The following USH2A variants were observed in gnomAD, a reference collection of about 807,000 sequenced individuals.
USH2A encodes the protein Usher syndrome 2A (autosomal recessive, mild).
A neutral mutation model predicts 538.9 loss-of-function variants in USH2A; 443 were observed. The ratio of observed to expected loss-of-function variants is 0.82; its 90% CI spans 0.76 to 0.89. The LOEUF is 0.89. Among genes scored for constraint, USH2A ranks in the 40% least tolerant of loss-of-function variants. The pLI is 0.00. For missense variants in USH2A, 6,633 were observed against 6,324.8 expected (o/e 1.05, Z -1.65); for synonymous variants, 2,413 against 2,273.5 (o/e 1.06, Z -1.75).
At chr1:216,136,277 A>G (rs944487782) in intron 21 of USH2A, among the ~76,000 whole-genome samples, 2 of 152,214 alleles carry the variant, frequency 1.3e-5, no homozygotes, top group Non-Finnish European at 1.5e-5. Flanking sequence ...TCATGCTAAA[A>G]TAAATTGTGC....
chr1:216,070,954 T>A (rs566624329), intron 29 of USH2A, among the ~76,000 whole-genome samples: 3 of 152,090 alleles, frequency 2.0e-5, no homozygotes, highest in Admixed American at 1.3e-4. Flanking sequence ...TATCACAAAA[T>A]GAGGAAGTTT....
chr1:216,079,116 A>G (rs1285299520), intron 26 of USH2A: 3 of 152,180 alleles, frequency 2.0e-5, no homozygotes, highest in Non-Finnish European at 2.9e-5. Context: ...CTTGAGATCA[A>G]TTGTGTCGAG....
chr1:216,389,552 A>C (rs1207911203), intron 3 of USH2A, among the ~76,000 whole-genome samples: 1 of 152,178 alleles, frequency 6.6e-6, no homozygotes, highest in Admixed American at 6.5e-5. Context: ...TTTAAGTAGA[A>C]ACTAATTTTT....
chr1:215,972,708 C>A (rs1667526356), intron 35 of USH2A, among the ~76,000 whole-genome samples: 1 of 152,136 alleles, frequency 6.6e-6, no homozygotes, highest in South Asian at 2.1e-4. Context: ...GTTTACCATT[C>A]TGATAAGTCC....
chr1:215,656,096 C>G (rs971582662), intron 64 of USH2A, among the ~76,000 whole-genome samples: 2 of 152,178 alleles, frequency 1.3e-5, no homozygotes, highest in African/African-American at 4.8e-5. Flanking sequence ...ATCACATTCC[C>G]ATAAGGGGGA....
chr1:215,683,734 C>T (rs956052975), intron 61 of USH2A, among the ~76,000 whole-genome samples: 1 of 151,762 alleles, frequency 6.6e-6, no homozygotes, highest in African/African-American at 2.4e-5. Context: ...TCTTATTCAC[C>T]CTTTCCTTCT....
At position 215,876,164 on chromosome 1, in the gene USH2A, T is replaced by G. The variant is rs191839943; in HGVS notation, c.8681+1594A>C. Among the ~76,000 whole-genome samples, 704 of 152,084 alleles carry G rather than the reference T, an allele frequency of 4.6e-3. 5 individuals carry two copies. The highest frequency in any genetic ancestry group is 0.014 in the Middle Eastern group (4 of 294). On this transcript the variant is annotated intron_variant, in intron 43 of 71. Transcript: ENST00000307340. ...GTGATAATCATATAGGGATGCCAAATTAAGTAAATAATGAATTAAAAGTAG... is the reference window on the plus strand; with the variant it reads ...GTGATAATCATATAGGGATGCCAAAGTAAGTAAATAATGAATTAAAAGTAG...
intron 3 of USH2A, among the ~76,000 whole-genome samples, chr1:216,378,231 G>A (rs573283163): frequency 2.0e-5 from 3 of 152,178 alleles, no homozygotes; most frequent in African/African-American, 7.2e-5. Flanking sequence ...AGGTGAGAAT[G>A]ACTAAAGTTA....
chr1:215,646,634 C>A (rs1656860351), intron 67 of USH2A, among the ~76,000 whole-genome samples: 1 of 152,056 alleles, frequency 6.6e-6, no homozygotes, highest in South Asian at 2.1e-4. Flanking sequence ...TAAAGTGATT[C>A]TCCTGCTTAA....
intron 62 of USH2A, among the ~76,000 whole-genome samples, chr1:215,678,881 AT>A (rs1658130119): frequency 6.6e-6 from 1 of 152,342 alleles, no homozygotes; most frequent in East Asian, 1.9e-4. Context: ...AGGAGTCAAT[AT>A]TCTTATTGTC....
chr1:216,009,325 A>C (rs965118875), intron 32 of USH2A, among the ~76,000 whole-genome samples: 1 of 152,036 alleles, frequency 6.6e-6, no homozygotes, highest in African/African-American at 2.4e-5. Context: ...AAACCTCTTC[A>C]ACTCTCACTT....
chr1:216,095,254 A>G (rs750361310), intron 22 of USH2A, among the ~76,000 whole-genome samples: 1 of 151,948 alleles, frequency 6.6e-6, no homozygotes. Context: ...AGTAGTATCT[A>G]ACTTTCTTGT....
At chr1:216,106,806 C>A (rs1360270228) in intron 21 of USH2A, among the ~76,000 whole-genome samples, 1 of 151,756 alleles carries the variant, frequency 6.6e-6, no homozygotes, top group African/African-American at 2.4e-5. Flanking sequence ...TCTCTCCAGG[C>A]CTTACTTGGG....
In USH2A at chr1:215,623,113, G is replaced by A. The variant is rs1476458660; in HGVS notation, c.*2668C>T. The A allele has an allele frequency of 1.3e-5, 2 of 152,032 alleles. No individual in the cohort carries two copies. Among genetic ancestry groups the A allele is most frequent in the African/African-American group, 4.8e-5 (2 of 41,406 alleles). 9.4% of individuals were successfully genotyped at this position (152,032 alleles called of 1,614,324 possible). A position where few individuals can be genotyped will look rare whatever the true frequency, so the allele number is the denominator to read the frequency against. The stretch of plus-strand genomic sequence containing the variant: ...AACATTAATATTTGGGTTCCATTTA[G>A]TGGAAATTACAGTAGATTATAAACA... On this transcript the variant is annotated 3_prime_UTR_variant, in exon 72 of 72. Transcript: ENST00000307340.
At chr1:215,830,002 A>G (rs1663266701) in intron 47 of USH2A, among the ~76,000 whole-genome samples, 1 of 152,180 alleles carries the variant, frequency 6.6e-6, no homozygotes, top group Non-Finnish European at 1.5e-5. Flanking sequence ...ATCTGCAAAA[A>G]TTATATAAAG....
chr1:216,185,528 G>T (rs944198231), intron 20 of USH2A, among the ~76,000 whole-genome samples: 1 of 151,730 alleles, frequency 6.6e-6, no homozygotes, highest in Non-Finnish European at 1.5e-5. Context: ...TTTTTGAATG[G>T]TCACTCGTTT....
intron 44 of USH2A, among the ~76,000 whole-genome samples, chr1:215,861,912 T>A (rs930249647): frequency 2.1e-5 from 3 of 143,682 alleles, no homozygotes; most frequent in African/African-American, 7.8e-5. Context: ...CGATCTCGGC[T>A]CACTGCAACC....
In USH2A at chr1:216,070,272, GA is replaced by G. The variant is rs727505343; in HGVS notation, c.5877del (p.Ser1961GlnfsTer6). Reference sequence around the variant, plus strand: ...CCATTTAAGCTGCGGACTCTTGAGGGAGTTGGCACACTTTGTGGAGCTGTGA... The same window carrying G: ...CCATTTAAGCTGCGGACTCTTGAGGGGTTGGCACACTTTGTGGAGCTGTGA... ...TTGAAPQSVP[T>X]PSRVRSLNGY... On this transcript the variant is annotated frameshift_variant, in exon 30 of 72. Coordinates refer to ENST00000307340, the MANE Select transcript of USH2A (RefSeq NM_206933.4). LOFTEE classifies it high-confidence loss of function. 3.7e-6 allele frequency: 6 copies of G among 1,613,972 alleles called. No individual in the cohort carries two copies. The highest frequency in any genetic ancestry group is 5.1e-6 in the Non-Finnish European group (6 of 1,179,892).
At chr1:215,693,152 ATT>A (rs34085776) in intron 61 of USH2A, among the ~76,000 whole-genome samples, 1 of 144,802 alleles carries the variant, frequency 6.9e-6, no homozygotes, top group Non-Finnish European at 1.5e-5. Context: ...ACACATATGT[ATT>A]TTTTTTTGTG....
Sources: gnomAD v4.1 joint callset for allele counts (sites outside exome capture counted in the v4.1 genomes callset) on GRCh38, gnomAD v4.1.1 for gene constraint, MANE v1.5 for transcripts, NCBI Gene and HGNC (gene_info 2026-07-23, HGNC 2026-07-21) for gene names.